The following CSN1S1 variants were observed in gnomAD, a reference collection of about 807,000 sequenced individuals.
The protein encoded by CSN1S1 is casein alpha s1.
A neutral mutation model predicts 49.1 loss-of-function variants in CSN1S1; 63 were observed. That is an observed-to-expected ratio of 1.28 (90% confidence interval 1.05 to 1.58). CSN1S1 has a LOEUF of 1.58. CSN1S1 is among the 40% of genes most tolerant of loss of function. The pLI is 0.00. For synonymous variants in CSN1S1, 78 were observed against 67.1 expected (o/e 1.16, Z -0.79); for missense variants, 260 against 224.7 (o/e 1.16, Z -1.01).
intron 2 of CSN1S1, 125 bp from the exon 3 acceptor site, chr4:69,934,081 ATATTGC>A: frequency 1.9e-6 from 1 of 521,470 alleles, no homozygotes; most frequent in Admixed American, 3.8e-5. Flanking sequence ...TCTCTGACAA[ATATTGC>A]TATTAAAACA....
At chr4:69,933,993 A>G (rs1371086337) in intron 2 of CSN1S1, among the ~76,000 whole-genome samples, 5 of 151,986 alleles carry the variant, frequency 3.3e-5, no homozygotes, top group Admixed American at 2.0e-4. Context: ...AAGAAAGGAA[A>G]TGATTATTTT....
chr4:69,934,614 T>C, intron 3 of CSN1S1, 76 bp from the exon 4 acceptor site: 1 of 1,394,104 alleles, frequency 7.2e-7, no homozygotes, highest in Non-Finnish European at 1.0e-6. Flanking sequence ...TACCACAACT[T>C]TCTATGAGCA....
intron 12 of CSN1S1, among the ~76,000 whole-genome samples, chr4:69,941,459 G>A (rs930276225): frequency 3.0e-4 from 46 of 151,936 alleles, no homozygotes; most frequent in African/African-American, 1.0e-3. Flanking sequence ...AAAGGAAACA[G>A]GAATGCTAAA....
intron 1 of CSN1S1, 31 bp from the exon 2 acceptor site, chr4:69,932,512 TC>T (rs765696837): frequency 1.5e-5 from 23 of 1,547,944 alleles, no homozygotes; most frequent in Non-Finnish European, 2.0e-5. Context: ...CGTAATAATA[TC>T]TAACTCTTTC....
At chr4:69,934,643 G>T (rs1722712197) in intron 3 of CSN1S1, 47 bp from the exon 4 acceptor site, 1 of 1,549,540 alleles carries the variant, frequency 6.5e-7, no homozygotes, top group African/African-American at 1.4e-5. Flanking sequence ...CCTACATTCT[G>T]TCCTGCAATT....
In CSN1S1 at chr4:69,932,673, C is replaced by T. The variant is rs187748058; in HGVS notation, c.51+67C>T. The T allele has an allele frequency of 5.9e-5, 78 of 1,326,834 alleles. No individual in the cohort carries two copies. The African/African-American group carries it at 9.9e-4, about 17-fold the overall frequency. 82.2% of individuals were successfully genotyped at this position (1,326,834 alleles called of 1,614,324 possible). ...AGAAATGACCTGACACTTCATCAAA[C>T]ATAGGATACCCAGAGAAATAATCTT... On this transcript the variant is annotated intron_variant, in intron 2 of 15. Transcript: ENST00000246891.
chr4:69,934,617 T>G (rs1722710988), intron 3 of CSN1S1, 73 bp from the exon 4 acceptor site: 3 of 1,405,966 alleles, frequency 2.1e-6, no homozygotes, highest in Non-Finnish European at 3.0e-6. Flanking sequence ...CACAACTTTC[T>G]ATGAGCACAA....
In CSN1S1 at chr4:69,942,056, A is replaced by G. The variant is rs1361573229; in HGVS notation, c.353A>G (p.His118Arg). 2 of 1,465,638 alleles carry G rather than the reference A, an allele frequency of 1.4e-6. No individual in the cohort carries two copies. Among genetic ancestry groups the G allele is most frequent in the Non-Finnish European group, 1.8e-6 (2 of 1,084,928 alleles). The allele number at this position is 1,465,638 out of a possible 1,614,324, so 90.8% of individuals were successfully genotyped here. The change falls in exon 13 of 16, where the codon CAT becomes CGT. Residue 118 changes from histidine to arginine, a missense_variant. Physicochemically the swap from His to Arg is conservative, Grantham distance 29 (BLOSUM62 0). Transcript: ENST00000246891. ...EYNQLQLQAA[H>R]AQEQIRRMNE... is the part of the protein sequence containing the mutation. ...TTTTCTCCTCCCTAGCAAGCTGCCC[A>G]TGCCCAGGTGAGATTATTTATTAAA... is the stretch of plus-strand genomic sequence containing the variant.
chr4:69,936,606 A>G lies in CSN1S1; in HGVS notation c.194A>G (p.Lys65Arg), dbSNP rs769550372. ...AGAGAAAAACAGACTGATGAAATCAAGGTACCAAAGTTTTTCTTGAAAGAG... is the reference window on the plus strand; with the variant it reads ...AGAGAAAAACAGACTGATGAAATCAGGGTACCAAAGTTTTTCTTGAAAGAG... ...ILREKQTDEI[K>R]DTRNESTQNC... The change falls in exon 7 of 16, where the codon AAG (lysine) becomes AGG (arginine). Residue 65 changes from lysine (K) to arginine (R), a missense_variant and splice_region_variant. Transcript: ENST00000246891. The G allele has an allele frequency of 6.2e-7, 1 of 1,603,330 alleles. No homozygotes were observed. Among genetic ancestry groups the G allele is most frequent in the East Asian group, 2.2e-5 (1 of 44,556 alleles).
rs1288738441 is a variant in CSN1S1, at chr4:69,937,408, TTTTGCTTAGGTA to T, written c.219+268_219+279del. Among the ~76,000 whole-genome samples the T allele has an allele frequency of 2.0e-5, 3 of 148,694 alleles. No individual in the cohort carries two copies. In the East Asian group the frequency reaches 5.9e-4, roughly 29 times the overall value. ...AAAACATACTAGATGGAGCAAGTTC[TTTTGCTTAGGTA>T]TTTACACACCATTAAATCAGTGCTC... On this transcript the variant is annotated intron_variant, in intron 8 of 15. Transcript: ENST00000246891.
At chr4:69,933,474 A>G (rs1722673075) in intron 2 of CSN1S1, among the ~76,000 whole-genome samples, 1 of 151,968 alleles carries the variant, frequency 6.6e-6, no homozygotes, top group South Asian at 2.1e-4. Context: ...GGAATTGTCA[A>G]CTTCTGAACC....
intron 13 of CSN1S1, 63 bp downstream of exon 13, chr4:69,942,126 T>C: frequency 1.1e-6 from 1 of 932,644 alleles, no homozygotes; most frequent in Non-Finnish European, 1.6e-6. Context: ...GTTTTTATAA[T>C]GCATGATTCT....
intron 13 of CSN1S1, among the ~76,000 whole-genome samples, 182 bp downstream of exon 13, chr4:69,942,245 A>G (rs2222793): frequency 0.04 from 6,118 of 152,064 alleles, 282 homozygotes; most frequent in African/African-American, 0.11. Flanking sequence ...ATAGCCATAA[A>G]TAGAAAAATA....
intron 14 of CSN1S1, among the ~76,000 whole-genome samples, chr4:69,944,102 A>G (rs1723071646): frequency 3.3e-5 from 5 of 151,888 alleles, no homozygotes; most frequent in Admixed American, 3.3e-4. Flanking sequence ...TCTAGATTTT[A>G]TATTTGTTTT....
At chr4:69,934,156 T>C in intron 2 of CSN1S1, 56 bp from the exon 3 acceptor site, 1 of 1,346,676 alleles carries the variant, frequency 7.4e-7, no homozygotes, top group East Asian at 2.3e-5. Context: ...ATTATTATAT[T>C]GTTATTGTCA....
intron 7 of CSN1S1, 120 bp downstream of exon 7, chr4:69,936,727 A>T (rs959210571): frequency 2.3e-6 from 2 of 874,410 alleles, no homozygotes; most frequent in Admixed American, 5.9e-5. Context: ...TGAACTTTTC[A>T]CTCATACATT....
intron 1 of CSN1S1, 25 bp from the exon 2 acceptor site, chr4:69,932,519 C>T (rs377095042): frequency 6.4e-7 from 1 of 1,567,382 alleles, no homozygotes; most frequent in Non-Finnish European, 8.7e-7. Flanking sequence ...ATATCTAACT[C>T]TTTCTTTTTT....
At chr4:69,942,459 C>G in intron 13 of CSN1S1, 77 bp from the exon 14 acceptor site, 1 of 1,122,056 alleles carries the variant, frequency 8.9e-7, no homozygotes, top group East Asian at 2.6e-5. Context: ...GTTATGTATA[C>G]TTCTGGTGCA....
At chr4:69,936,320 T>C in intron 5 of CSN1S1, 136 bp from the exon 6 acceptor site, 2 of 735,590 alleles carry the variant, frequency 2.7e-6, no homozygotes, top group Non-Finnish European at 4.6e-6. Context: ...TAATAAGGAA[T>C]ATTAGTTCAT....
Sources: gnomAD v4.1 joint callset for allele counts (sites outside exome capture counted in the v4.1 genomes callset) on GRCh38, gnomAD v4.1.1 for gene constraint, MANE v1.5 for transcripts, NCBI Gene and HGNC (gene_info 2026-07-23, HGNC 2026-07-21) for gene names.